Variants in FRAS1 observed in about 807,000 individuals in gnomAD.
FRAS1 encodes extracellular matrix organizing protein FRAS1.
In FRAS1, 290 loss-of-function variants were observed where a neutral mutation model predicts 435.2. That is an observed-to-expected ratio of 0.67 (90% CI 0.61 to 0.73). The LOEUF (loss-of-function observed/expected upper bound fraction) is 0.73, where lower values mean the gene tolerates loss of function less well. FRAS1 is among the 30% of genes least tolerant of loss of function. The pLI, the probability that FRAS1 is intolerant of heterozygous loss-of-function variation, is 0.00. For missense variants in FRAS1, 4,860 were observed against 5,001.5 expected (o/e 0.97, Z 0.85); for synonymous variants, 1,800 against 1,851.0 (o/e 0.97, Z 0.71).
chr4:78,313,089 C>T (rs1729099028), intron 15 of FRAS1, among the ~76,000 whole-genome samples: 1 of 152,042 alleles, frequency 6.6e-6, no homozygotes, highest in South Asian at 2.1e-4. Flanking sequence ...AAAATTGCTG[C>T]AATTTTTCAT....
At chr4:78,303,255 C>G (rs1329453741) in intron 14 of FRAS1, among the ~76,000 whole-genome samples, 4 of 152,112 alleles carry the variant, frequency 2.6e-5, no homozygotes, top group Admixed American at 2.6e-4. Context: ...GTTTTGGTTA[C>G]TGTAGCCTTG....
Position 78,355,703 on chromosome 4 carries a change from T to C in FRAS1, c.2423-7810T>C, listed in dbSNP as rs1017395198. On this transcript the variant is annotated intron_variant, in intron 20 of 73. Transcript: ENST00000512123. ...CCTTATTTTAGTAATTGCAGTCTGA[T>C]ACAAGTTAAACAGTGACCGTATACA... Among the ~76,000 whole-genome samples the C allele has an allele frequency of 2.6e-5, 4 of 152,332 alleles. No individual in the cohort carries two copies. The East Asian group carries it at 5.8e-4, about 22-fold the overall frequency.
At chr4:78,427,181 T>C (rs1316679170) in intron 35 of FRAS1, among the ~76,000 whole-genome samples, 1 of 152,208 alleles carries the variant, frequency 6.6e-6, no homozygotes. Context: ...TGGTTAATCA[T>C]GGGAGGGGAG....
chr4:78,387,014 G>A (rs1732241556), intron 28 of FRAS1, among the ~76,000 whole-genome samples: 1 of 152,148 alleles, frequency 6.6e-6, no homozygotes, highest in Admixed American at 6.5e-5. Flanking sequence ...GGAGTGAAGT[G>A]TGTCCTCCCA....
chr4:78,182,888 G>A (rs4859520), intron 2 of FRAS1, among the ~76,000 whole-genome samples: 129,353 of 138,346 alleles, frequency 0.93, 60,573 homozygotes, highest in Non-Finnish European at 0.99. Flanking sequence ...TCAAAAAAAA[G>A]AAAAAAAGAA....
chr4:78,063,615 TGTG>T (rs1463886681), intron 1 of FRAS1, among the ~76,000 whole-genome samples: 1 of 152,238 alleles, frequency 6.6e-6, no homozygotes, highest in Non-Finnish European at 1.5e-5. Flanking sequence ...CAGGTATAGA[TGTG>T]GTGCCACACT....
intron 70 of FRAS1, among the ~76,000 whole-genome samples, chr4:78,527,357 G>T (rs926566160): frequency 6.7e-6 from 1 of 148,880 alleles, no homozygotes; most frequent in Non-Finnish European, 1.5e-5. Context: ...TATTTATTCA[G>T]CTCTTCTCAT....
At chr4:78,324,498 C>T (rs965187966) in intron 18 of FRAS1, among the ~76,000 whole-genome samples, 1 of 151,940 alleles carries the variant, frequency 6.6e-6, no homozygotes, top group Non-Finnish European at 1.5e-5. Flanking sequence ...GTATATATCC[C>T]TTTGTAGTTT....
At chr4:78,400,940 GT>G (rs1185572440) in intron 30 of FRAS1, 53 bp downstream of exon 30, 2 of 1,567,248 alleles carry the variant, frequency 1.3e-6, no homozygotes, top group Admixed American at 3.5e-5. Context: ...GCAGTCTAGG[GT>G]TTGCTACTGT....
chr4:78,278,035 G>T (rs967572622), intron 9 of FRAS1, among the ~76,000 whole-genome samples: 1 of 152,068 alleles, frequency 6.6e-6, no homozygotes, highest in African/African-American at 2.4e-5. Context: ...TCCTGACCTC[G>T]TGATCCGCCC....
In FRAS1 at chr4:78,142,689, A is replaced by G. The variant is rs1244168377; in HGVS notation, c.108+76673A>G. Among the ~76,000 whole-genome samples the G allele has an allele frequency of 2.0e-5, 3 of 152,332 alleles. No homozygotes were observed. In the East Asian group the frequency reaches 5.8e-4, roughly 29 times the overall value. On this transcript the variant is annotated intron_variant, in intron 2 of 73. Coordinates refer to ENST00000512123, the MANE Select transcript of FRAS1 (RefSeq NM_025074.7). ...GCTATCCAAAAATAATTCAAAATAT[A>G]TGCAACATTAAAATACACAACAAAA...
chr4:78,066,981 A>ATT (rs1222329091), intron 2 of FRAS1, among the ~76,000 whole-genome samples: 1 of 152,128 alleles, frequency 6.6e-6, no homozygotes, highest in Non-Finnish European at 1.5e-5. Context: ...GGAAAAAGCC[A>ATT]TTTTTATTGT....
intron 2 of FRAS1, among the ~76,000 whole-genome samples, chr4:78,167,866 G>A (rs1314930305): frequency 6.6e-6 from 1 of 152,000 alleles, no homozygotes; most frequent in Admixed American, 6.5e-5. Context: ...GTGGACATTT[G>A]ATACCTTTAA....
intron 41 of FRAS1, among the ~76,000 whole-genome samples, chr4:78,442,246 A>C (rs1232931609): frequency 6.6e-6 from 1 of 152,258 alleles, no homozygotes; most frequent in Non-Finnish European, 1.5e-5. Context: ...TTATTTCAAC[A>C]AATGTTTGTG....
chr4:78,409,850 T>C (rs1224744722), intron 31 of FRAS1, among the ~76,000 whole-genome samples: 1 of 152,212 alleles, frequency 6.6e-6, no homozygotes, highest in Non-Finnish European at 1.5e-5. Flanking sequence ...GTTAAAATGA[T>C]CATCCATTCT....
At chr4:78,458,546 C>T (rs913391024) in intron 47 of FRAS1, among the ~76,000 whole-genome samples, 6 of 152,058 alleles carry the variant, frequency 3.9e-5, no homozygotes, top group Admixed American at 1.3e-4. Context: ...ACCTTAGACA[C>T]TGGGGAGGGA....
chr4:78,117,104 G>C (rs912622527), intron 2 of FRAS1, among the ~76,000 whole-genome samples: 12 of 152,128 alleles, frequency 7.9e-5, no homozygotes, highest in African/African-American at 2.9e-4. Context: ...TAGTTTGTCT[G>C]GATTTGAAAT....
At chr4:78,247,377 C>G (rs1225589893) in intron 4 of FRAS1, among the ~76,000 whole-genome samples, 1 of 152,070 alleles carries the variant, frequency 6.6e-6, no homozygotes, top group Non-Finnish European at 1.5e-5. Flanking sequence ...GGATGAATTT[C>G]AAAACTATAG....
intron 38 of FRAS1, among the ~76,000 whole-genome samples, chr4:78,437,198 T>C (rs1158234052): frequency 6.6e-6 from 1 of 152,152 alleles, no homozygotes; most frequent in Admixed American, 6.5e-5. Context: ...AAATAAGCAG[T>C]GTTTTGGTCA....
Sources: allele counts gnomAD v4.1 joint callset (sites outside exome capture counted in the v4.1 genomes callset), GRCh38; gene constraint gnomAD v4.1.1; transcripts MANE v1.5; gene names NCBI Gene and HGNC (gene_info 2026-07-23, HGNC 2026-07-21).